TMEM207: variants seen among roughly 807,000 people sequenced by gnomAD.
TMEM207 encodes SRSR846.
Under a neutral mutation model 17.4 loss-of-function variants are expected in TMEM207, and 15 were observed. That is an observed-to-expected ratio of 0.86 (90% confidence interval 0.58 to 1.33). TMEM207 has a LOEUF of 1.33. Among genes scored for constraint, TMEM207 ranks in the 40% most tolerant of loss-of-function variants. TMEM207 has a pLI of 0.00. For missense variants in TMEM207, 205 were observed against 173.8 expected, an observed-to-expected ratio of 1.18 and a Z score of -1.01; for synonymous variants, 70 against 65.6, an observed-to-expected ratio of 1.07 and a Z score of -0.33.
At position 190,430,440 on chromosome 3, in the gene TMEM207, T is replaced by C. The variant is rs554945956; in HGVS notation, c.305-709A>G. Among the ~76,000 whole-genome samples, 44 of 151,792 alleles carry C rather than the reference T, an allele frequency of 2.9e-4. 2 individuals are homozygous for C. The South Asian group carries it at 4.4e-3, about 15-fold the overall frequency. On this transcript the variant is annotated intron_variant, in intron 4 of 4. Transcript: ENST00000354905. ...TTAGTATTTCCTTGAAAGACTGTGT[T>C]TGGGTAACACAAAAAAATAATAGTG...
chr3:190,433,983 G>A (rs1719748560), intron 4 of TMEM207, among the ~76,000 whole-genome samples: 1 of 152,062 alleles, frequency 6.6e-6, no homozygotes, highest in African/African-American at 2.4e-5. Flanking sequence ...TTTGCCTTCT[G>A]CCATGATTTA....
At chr3:190,430,360 T>G (rs1719666742) in intron 4 of TMEM207, among the ~76,000 whole-genome samples, 1 of 152,020 alleles carries the variant, frequency 6.6e-6, no homozygotes, top group Admixed American at 6.6e-5. Context: ...TTCCACTAAC[T>G]GGTAACCTTG....
At chr3:190,431,460 T>C (rs1414916688) in intron 4 of TMEM207, among the ~76,000 whole-genome samples, 3 of 151,980 alleles carry the variant, frequency 2.0e-5, no homozygotes, top group East Asian at 1.9e-4. Context: ...TTAAACATTA[T>C]TATTATTAAT....
chr3:190,436,371 T>C lies in TMEM207; in HGVS notation c.304+3873A>G, dbSNP rs78928373. On this transcript the variant is annotated intron_variant, in intron 4 of 4. Transcript: ENST00000354905. ...GGAGTCCAGAAACCTTATTTTGTATTCTAACATGTCACCAGTGTCATTCCA... is the reference window on the plus strand; with the variant it reads ...GGAGTCCAGAAACCTTATTTTGTATCCTAACATGTCACCAGTGTCATTCCA... 0.01 allele frequency among the ~76,000 whole-genome samples: 1,527 copies of C among 152,322 alleles called. 66 individuals are homozygous for C. The East Asian group carries it at 0.13, about 13-fold the overall frequency.
chr3:190,448,210 A>G (rs1720091378), intron 1 of TMEM207, among the ~76,000 whole-genome samples: 1 of 151,906 alleles, frequency 6.6e-6, no homozygotes, highest in South Asian at 2.1e-4. Context: ...TATTATTTTC[A>G]CGCAAAAAAA....
chr3:190,441,393 A>G (rs1256631262), intron 3 of TMEM207, 45 bp downstream of exon 3: 2 of 1,469,830 alleles, frequency 1.4e-6, no homozygotes, highest in Admixed American at 3.4e-5. Flanking sequence ...CAAAGACTGT[A>G]TATACCACCA....
At chr3:190,440,188 TAACCGCAA>T in intron 4 of TMEM207, 48 bp downstream of exon 4, 1 of 1,550,512 alleles carries the variant, frequency 6.4e-7, no homozygotes, top group Non-Finnish European at 8.7e-7. Flanking sequence ...GTTTTTCAAT[TAACCGCAA>T]AACCACAAAG....
intron 2 of TMEM207, among the ~76,000 whole-genome samples, chr3:190,446,667 A>G (rs1720056956): frequency 6.6e-6 from 1 of 152,222 alleles, no homozygotes; most frequent in Non-Finnish European, 1.5e-5. Flanking sequence ...CCCTTCACCT[A>G]AAAGGGAGAG....
At chr3:190,441,523 A>G (rs758469084) in intron 2 of TMEM207, 41 bp from the exon 3 acceptor site, 2 of 1,528,412 alleles carry the variant, frequency 1.3e-6, no homozygotes, top group East Asian at 2.3e-5. Context: ...AACTCAGGAT[A>G]GCCAAAGCCT....
At chr3:190,437,795 A>T (rs554676350) in intron 4 of TMEM207, among the ~76,000 whole-genome samples, 2 of 151,986 alleles carry the variant, frequency 1.3e-5, no homozygotes, top group South Asian at 4.2e-4. Flanking sequence ...AGACACATGC[A>T]CACGTATGTT....
chr3:190,439,695 G>A (rs1719886883), intron 4 of TMEM207, among the ~76,000 whole-genome samples: 1 of 152,160 alleles, frequency 6.6e-6, no homozygotes, highest in African/African-American at 2.4e-5. Context: ...ATGGTTTTGG[G>A]AGGGGAAGTT....
At chr3:190,435,592 C>T (rs1719787868) in intron 4 of TMEM207, among the ~76,000 whole-genome samples, 1 of 152,122 alleles carries the variant, frequency 6.6e-6, no homozygotes, top group Admixed American at 6.5e-5. Context: ...GGAGAGTGAT[C>T]TTTGAGCGCA....
intron 4 of TMEM207, among the ~76,000 whole-genome samples, chr3:190,435,589 G>A (rs150488452): frequency 6.6e-6 from 1 of 152,262 alleles, no homozygotes; most frequent in East Asian, 1.9e-4. Flanking sequence ...CATGGAGAGT[G>A]ATCTTTGAGC....
At chr3:190,433,921 C>T (rs1040344832) in intron 4 of TMEM207, among the ~76,000 whole-genome samples, 8 of 152,044 alleles carry the variant, frequency 5.3e-5, no homozygotes, top group Non-Finnish European at 8.8e-5. Context: ...TAACACCACC[C>T]GCCTCCCACT....
intron 2 of TMEM207, among the ~76,000 whole-genome samples, chr3:190,446,568 T>C (rs936941577): frequency 6.6e-6 from 1 of 152,194 alleles, no homozygotes; most frequent in Admixed American, 6.5e-5. Flanking sequence ...TACAGACACT[T>C]AGTTGCAAAA....
intron 2 of TMEM207, among the ~76,000 whole-genome samples, chr3:190,443,573 A>T (rs981524780): frequency 6.6e-6 from 1 of 152,062 alleles, no homozygotes; most frequent in African/African-American, 2.4e-5. Context: ...CTGAGACTTA[A>T]GGTGGAGAGA....
intron 1 of TMEM207, among the ~76,000 whole-genome samples, chr3:190,449,085 C>T (rs1008293933): frequency 2.0e-5 from 3 of 152,152 alleles, no homozygotes; most frequent in Admixed American, 6.6e-5. Flanking sequence ...AAGTCACTTC[C>T]GTGTTTTTTC....
At chr3:190,433,319 G>C (rs765216234) in intron 4 of TMEM207, among the ~76,000 whole-genome samples, 78 of 151,436 alleles carry the variant, frequency 5.2e-4, no homozygotes, top group Non-Finnish European at 8.7e-4. Flanking sequence ...CTTATTTTTA[G>C]TAAATTAAAA....
At chr3:190,448,229 C>A (rs1173063650) in intron 1 of TMEM207, among the ~76,000 whole-genome samples, 1 of 151,824 alleles carries the variant, frequency 6.6e-6, no homozygotes, top group Non-Finnish European at 1.5e-5. Flanking sequence ...AAAACAAGTT[C>A]CAAGTACATA....
Sources: gnomAD v4.1 joint callset for allele counts (sites outside exome capture counted in the v4.1 genomes callset) on GRCh38, gnomAD v4.1.1 for gene constraint, MANE v1.5 for transcripts, NCBI Gene and HGNC (gene_info 2026-07-23, HGNC 2026-07-21) for gene names.